MIB1: variants seen among roughly 807,000 people sequenced by gnomAD.
MIB1 encodes the protein MIB E3 ubiquitin protein ligase 1, also known as E3 ubiquitin-protein ligase MIB1.
MIB1 carries 278 observed loss-of-function variants against 124.5 expected under a neutral mutation model. The ratio of observed to expected loss-of-function variants is 2.23; its 90% CI spans 2.02 to 2.47. The LOEUF (loss-of-function observed/expected upper bound fraction) is 2.47. Ranked by LOEUF, MIB1 falls within the 30% of genes most tolerant of loss-of-function variation. The pLI is 0.00. For synonymous variants in MIB1, 446 were observed against 429.4 expected (o/e 1.04, Z -0.48); for missense variants, 957 against 1,254.4 (o/e 0.76, Z 3.58).
chr18:21,716,785 G>A (rs751856181), intron 1 of MIB1, among the ~76,000 whole-genome samples: 45 of 152,268 alleles, frequency 3.0e-4, no homozygotes, highest in Non-Finnish European at 6.3e-4. Context: ...CCGGGAGGTG[G>A]AGCTTGCAGT....
At chr18:21,762,525 A>G (rs2041109989) in intron 1 of MIB1, among the ~76,000 whole-genome samples, 1 of 152,212 alleles carries the variant, frequency 6.6e-6, no homozygotes, top group African/African-American at 2.4e-5. Flanking sequence ...AAAACTAGAA[A>G]GGTAATTCCC....
intron 1 of MIB1, among the ~76,000 whole-genome samples, chr18:21,723,747 T>A (rs1485248321): frequency 6.6e-6 from 1 of 152,096 alleles, no homozygotes; most frequent in Non-Finnish European, 1.5e-5. Flanking sequence ...AACCCCTGAC[T>A]TCGTGATCCA....
intron 6 of MIB1, among the ~76,000 whole-genome samples, chr18:21,786,554 ACT>A (rs1264053848): frequency 2.1e-5 from 3 of 143,736 alleles, no homozygotes; most frequent in East Asian, 4.1e-4. Context: ...CTCTTTCTCA[ACT>A]CTCTCTTGAA....
intron 1 of MIB1, chr18:21,724,170 G>A (rs757406679): frequency 1.3e-5 from 2 of 152,516 alleles, no homozygotes; most frequent in African/African-American, 2.4e-5. Context: ...AACCAGTTAC[G>A]GAAGAAACAG....
intron 12 of MIB1, among the ~76,000 whole-genome samples, chr18:21,823,880 A>T (rs2041901787): frequency 1.3e-5 from 2 of 152,138 alleles, no homozygotes; most frequent in African/African-American, 4.8e-5. Flanking sequence ...TATAGGTAAA[A>T]TTTTGGATTT....
chr18:21,853,073 T>C (rs2042195209), intron 17 of MIB1, 67 bp from the exon 18 acceptor site: 1 of 1,030,288 alleles, frequency 9.7e-7, no homozygotes, highest in Admixed American at 1.8e-5. Flanking sequence ...TGGATATAAT[T>C]GAACTTGTTA....
At chr18:21,838,317 G>C (rs755383704) in intron 12 of MIB1, 48 bp from the exon 13 acceptor site, 3 of 1,364,064 alleles carry the variant, frequency 2.2e-6, no homozygotes, top group Non-Finnish European at 3.0e-6. Context: ...TTTCTTTTGA[G>C]TATATCAAAT....
At chr18:21,813,921 G>T (rs2041801525) in intron 10 of MIB1, among the ~76,000 whole-genome samples, 1 of 152,118 alleles carries the variant, frequency 6.6e-6, no homozygotes, top group Admixed American at 6.6e-5. Context: ...GTTAAAATTT[G>T]CAATGCAGTA....
intron 4 of MIB1, among the ~76,000 whole-genome samples, chr18:21,777,215 T>C (rs2041299383): frequency 6.6e-6 from 1 of 151,992 alleles, no homozygotes; most frequent in South Asian, 2.1e-4. Context: ...AACCAGGAGT[T>C]TGAGACCAGC....
At chr18:21,834,941 A>G (rs1318456676) in intron 12 of MIB1, among the ~76,000 whole-genome samples, 3 of 152,364 alleles carry the variant, frequency 2.0e-5, no homozygotes, top group East Asian at 3.9e-4. Flanking sequence ...ATGGAGGAGT[A>G]TATGGGAACT....
At chr18:21,825,337 G>A (rs2041915123) in intron 12 of MIB1, 2 of 272,296 alleles carry the variant, frequency 7.3e-6, no homozygotes, top group Admixed American at 5.2e-5. Context: ...CCCATTATGT[G>A]TTCAGGTGGG....
intron 1 of MIB1, among the ~76,000 whole-genome samples, chr18:21,726,862 C>G (rs1472729696): frequency 6.6e-6 from 1 of 152,126 alleles, no homozygotes; most frequent in Admixed American, 6.5e-5. Context: ...ATGTGAGACT[C>G]ACAGCAAAGT....
chr18:21,835,801 C>CA (rs1555695315), intron 12 of MIB1, among the ~76,000 whole-genome samples: 19 of 101,586 alleles, frequency 1.9e-4, no homozygotes, highest in African/African-American at 7.3e-4. Flanking sequence ...ATATATATAT[C>CA]CACACACACA....
rs758522993 is a variant in MIB1, at chr18:21,844,181, T to C, written c.2139T>C (p.Ser713=). The change falls in exon 15 of 21, where the codon TCT becomes TCC. Residue 713 remains serine, a synonymous_variant. Coordinates refer to ENST00000261537, the MANE Select transcript of MIB1 (RefSeq NM_020774.4). ...AAGCTCTAAGGCATCACACTTTGTC[T>C]CAGCTACGTCAGCTCCAAGATATGC... ...LHEALRHHTL[S]QLRQLQDMQD... is the part of the protein sequence containing the mutation. 3.9e-5 allele frequency: 63 copies of C among 1,614,056 alleles called. No homozygotes were observed. Among genetic ancestry groups the C allele is most frequent in the Middle Eastern group, 1.6e-4 (1 of 6,078 alleles).
intron 1 of MIB1, among the ~76,000 whole-genome samples, chr18:21,713,642 A>C (rs2040675835): frequency 6.9e-6 from 1 of 145,836 alleles, no homozygotes; most frequent in South Asian, 2.2e-4. Context: ...AAAAAAGCTT[A>C]ATTAAGACAA....
At chr18:21,851,341 C>T (rs1165652237) in intron 17 of MIB1, among the ~76,000 whole-genome samples, 3 of 152,002 alleles carry the variant, frequency 2.0e-5, no homozygotes, top group Non-Finnish European at 2.9e-5. Flanking sequence ...CTTTTTCAGA[C>T]CTTTTGAATA....
intron 5 of MIB1, among the ~76,000 whole-genome samples, 177 bp downstream of exon 5, chr18:21,778,346 TCA>T (rs1491274047): frequency 1.3e-5 from 2 of 152,252 alleles, no homozygotes; most frequent in Non-Finnish European, 2.9e-5. Flanking sequence ...TTATTTGGAC[TCA>T]GAGTTGTCAT....
intron 11 of MIB1, among the ~76,000 whole-genome samples, chr18:21,816,868 G>C (rs2155976): frequency 0.017 from 2,523 of 152,266 alleles, 64 homozygotes; most frequent in African/African-American, 0.053. Context: ...GTGGGAGGCA[G>C]GATTGGAGGA....
rs938015570 is a variant in MIB1 at position 21,867,529 on chromosome 18, T to C, written c.*2863T>C. 2 of 152,566 alleles carry C rather than the reference T, an allele frequency of 1.3e-5. No homozygotes were observed. The highest frequency in any genetic ancestry group is 4.8e-5 in the African/African-American group (2 of 41,438). The allele number at this position is 152,566 out of a possible 1,614,324, so 9.5% of individuals were successfully genotyped here. ...TCAAGAAAAGATAATTTTGTATTAG[T>C]GTAGGAATATATTAGACAAATGTTT... On this transcript the variant is annotated 3_prime_UTR_variant, in exon 21 of 21. Coordinates refer to ENST00000261537, the MANE Select transcript of MIB1 (RefSeq NM_020774.4).
Sources: gnomAD v4.1 joint callset for allele counts (sites outside exome capture counted in the v4.1 genomes callset) on GRCh38, gnomAD v4.1.1 for gene constraint, MANE v1.5 for transcripts, NCBI Gene and HGNC (gene_info 2026-07-23, HGNC 2026-07-21) for gene names.